Variants in MED12 observed in about 807,000 individuals in gnomAD.
MED12 encodes mediator of RNA polymerase II transcription subunit 12.
Under a neutral mutation model 177.7 loss-of-function variants are expected in MED12, and 10 were observed. The ratio of observed to expected loss-of-function variants is 0.06; its 90% CI spans 0.03 to 0.10. The LOEUF (loss-of-function observed/expected upper bound fraction) is 0.10. Among genes scored for constraint, MED12 ranks in the 10% least tolerant of loss-of-function variants. The pLI, the probability that MED12 is intolerant of heterozygous loss-of-function variation, is 1.00. For missense variants in MED12, 867 were observed against 1,780.8 expected (o/e 0.49, Z 9.23); for synonymous variants, 641 against 678.4 (o/e 0.94, Z 0.86).
rs1292652677 is a variant in MED12 at position 71,140,668 on chromosome X, G to T, written c.6078G>T (p.Met2026Ile). ...FSHQTLQQTP[M>I]ISTMTPMSAQ... ...ACCAGACACTGCAGCAGACACCCATGATAAGTACCATGACTCCAATGAGTG... is the reference window on the plus strand; with the variant it reads ...ACCAGACACTGCAGCAGACACCCATTATAAGTACCATGACTCCAATGAGTG... Residue 2026 changes from methionine to isoleucine, a missense_variant, in exon 42 of 45, where the codon ATG (methionine) becomes ATT (isoleucine). Met to Ile is a conservative substitution (Grantham distance 10). Around this residue, in one of 14 missense-constraint regions of MED12, gnomAD observed 236 missense variants for 345.2 expected, o/e 0.68. Transcript: ENST00000374080. The T allele has an allele frequency of 2.5e-6, 3 of 1,210,936 alleles. No individual in the cohort carries two copies. The Admixed American group carries it at 6.5e-5, about 26-fold the overall frequency.
chrX:71,129,792 C>T lies in MED12; in HGVS notation c.3804C>T (p.Ile1268=), dbSNP rs1464231726. Residue 1268 remains isoleucine (I), a synonymous_variant, in exon 27 of 45, where the codon ATC becomes ATT. Transcript: ENST00000374080. ...SGGRRQGGRN[I]SVETASLDVY... is the part of the protein sequence containing the mutation. ...GTCGGAGGCAGGGTGGCCGCAACAT[C>T]TCTGTGGAGACAGCCAGTCTGGATG... The T allele has an allele frequency of 1.7e-6, 2 of 1,211,458 alleles. No homozygotes were observed. The highest frequency in any genetic ancestry group is 2.2e-6 in the Non-Finnish European group (2 of 895,248).
chrX:71,138,366 G>T (rs945003615), intron 41 of MED12, among the ~76,000 whole-genome samples: 2 of 110,290 alleles, frequency 1.8e-5, no homozygotes, highest in African/African-American at 6.6e-5. Context: ...CACTCCATTT[G>T]CCCAGGCTGG....
chrX:71,122,837 G>A lies in MED12; in HGVS notation c.1448G>A (p.Arg483Gln), dbSNP rs1456174589. The A allele has an allele frequency of 1.7e-6, 2 of 1,211,371 alleles. No homozygotes were observed. The highest frequency in any genetic ancestry group is 2.2e-6 in the Non-Finnish European group (2 of 895,148). ...FSNSLDSLCN[R>Q]IFGLGPSKDG... ...AACTCTCTTGACTCCCTTTGTAACCGAATCTTTGGATTGGGACCTAGCAAG... is the reference window on the plus strand; with the variant it reads ...AACTCTCTTGACTCCCTTTGTAACCAAATCTTTGGATTGGGACCTAGCAAG... Residue 483 changes from arginine to glutamine, a missense_variant, in exon 10 of 45, where the codon CGA becomes CAA. Physicochemically the swap from Arg to Gln is conservative, Grantham distance 43 (BLOSUM62 1). Around this residue, in one of 14 missense-constraint regions of MED12, gnomAD observed 309 missense variants for 556.3 expected, o/e 0.56. Coordinates refer to ENST00000374080, the MANE Select transcript of MED12 (RefSeq NM_005120.3).
chrX:71,128,221 C>T, intron 22 of MED12, 75 bp from the exon 23 acceptor site: 3 of 1,199,850 alleles, frequency 2.5e-6, no homozygotes, highest in Non-Finnish European at 3.4e-6. Flanking sequence ...TTTAGTGGGG[C>T]AGAGATGAGA....
rs2147828043 is a variant in MED12, at chrX:71,136,933, G to C, written c.5455G>C (p.Asp1819His). 1 of 1,210,116 alleles carries C rather than the reference G, an allele frequency of 8.3e-7. No individual in the cohort carries two copies. The highest frequency in any genetic ancestry group is 1.1e-6 in the Non-Finnish European group (1 of 895,252). Residue 1819 changes from aspartate (D) to histidine (H), a missense_variant, in exon 38 of 45, where the codon GAC (aspartate) becomes CAC (histidine). Physicochemically the swap from Asp to His is moderately conservative, Grantham distance 81. Coordinates refer to ENST00000374080, the MANE Select transcript of MED12 (RefSeq NM_005120.3). ...CCCTTATGGTGTGACAGTGCCTCCG[G>C]ACCTCCTGCACCACCCAAACCCTGG... is the stretch of plus-strand genomic sequence containing the variant. ...SGPYGVTVPP[D>H]LLHHPNPGSI...
rs1057317051 is a variant in MED12 at position 71,137,047 on chromosome X, G to A, written c.5551+18G>A. Reference sequence around the variant, plus strand: ...ACCTGCAGGTGAGTGCCAGCCACTAGGAATGCTGGAGGGACCTACCTGTAC... The same window carrying A: ...ACCTGCAGGTGAGTGCCAGCCACTAAGAATGCTGGAGGGACCTACCTGTAC... On this transcript the variant is annotated intron_variant, in intron 38 of 44. Transcript: ENST00000374080. The A allele has an allele frequency of 3.6e-5, 43 of 1,190,909 alleles. No individual in the cohort carries two copies. Among genetic ancestry groups the A allele is most frequent in the Non-Finnish European group, 4.9e-5 (43 of 885,045 alleles).
chrX:71,137,700 A>T (rs765067067), intron 40 of MED12, 26 bp from the exon 41 acceptor site: 5 of 1,176,194 alleles, frequency 4.3e-6, no homozygotes, highest in Non-Finnish European at 5.8e-6. Flanking sequence ...CTCGGCCCTG[A>T]TTCCCTCTCT....
intron 41 of MED12, among the ~76,000 whole-genome samples, chrX:71,138,353 T>C (rs1191069674): frequency 9.1e-6 from 1 of 109,555 alleles, no homozygotes; most frequent in African/African-American, 3.3e-5. Flanking sequence ...TGAAACAGAG[T>C]CGCACTCCAT....
rs2147777688 is a variant in MED12 at position 71,121,073 on chromosome X, T to A, written c.656T>A (p.Ile219Lys). Reference protein sequence around the residue: ...PAGSGGCGSTIGPLPHDVEVA... With the variant: ...PAGSGGCGSTKGPLPHDVEVA... ...GGAAGTGGGGGCTGTGGTTCCACGA[T>A]AGGGCCCTTGCCCCATGATGTAGAG... The change falls in exon 5 of 45, where the codon ATA (isoleucine) becomes AAA (lysine). Residue 219 changes from isoleucine (I) to lysine (K), a missense_variant. Transcript: ENST00000374080. 4 of 1,211,567 alleles carry A rather than the reference T, an allele frequency of 3.3e-6. No individual in the cohort carries two copies. The highest frequency in any genetic ancestry group is 4.5e-6 in the Non-Finnish European group (4 of 895,402).
At chrX:71,135,313 C>T in intron 36 of MED12, 60 bp downstream of exon 36, 1 of 1,164,542 alleles carries the variant, frequency 8.6e-7, no homozygotes, top group Non-Finnish European at 1.2e-6. Context: ...AAGAACTTTG[C>T]CTGCATCAGC....
chrX:71,129,999 T>C (rs1045102603), intron 27 of MED12, 36 bp from the exon 28 acceptor site: 32 of 1,195,976 alleles, frequency 2.7e-5, no homozygotes, highest in Non-Finnish European at 3.5e-5. Flanking sequence ...ACCCCCTCAC[T>C]GGTTGTTCCC....
In MED12 at chrX:71,125,063, A is replaced by G. The variant is rs773699580; in HGVS notation, c.2143A>G (p.Lys715Glu). Residue 715 changes from lysine to glutamate, a missense_variant, in exon 15 of 45, where the codon AAG (lysine) becomes GAG (glutamate). Around this residue, in one of 14 missense-constraint regions of MED12, gnomAD observed 309 missense variants for 556.3 expected, o/e 0.56. Transcript: ENST00000374080. Reference sequence around the variant, plus strand: ...CGAGAAGGAGGTGAAGCCCCCACCCAAGGAGAAGATTGAAGGGACCCTTGG... The same window carrying G: ...CGAGAAGGAGGTGAAGCCCCCACCCGAGGAGAAGATTGAAGGGACCCTTGG... ...DVEKEVKPPPKEKIEGTLGVL... is the reference protein window; with the variant it reads ...DVEKEVKPPPEEKIEGTLGVL... The G allele has an allele frequency of 1.7e-6, 2 of 1,210,582 alleles. No homozygotes were observed. The highest frequency in any genetic ancestry group is 2.2e-6 in the Non-Finnish European group (2 of 895,016).
At chrX:71,140,080 CTTT>C (rs746271800) in intron 41 of MED12, among the ~76,000 whole-genome samples, 2 of 88,638 alleles carry the variant, frequency 2.3e-5, no homozygotes. Flanking sequence ...TCTTTTCTTT[CTTT>C]TTTTTTTTTT....
At chrX:71,132,750 C>T in intron 31 of MED12, 95 bp from the exon 32 acceptor site, 1 of 836,392 alleles carries the variant, frequency 1.2e-6, no homozygotes, top group Non-Finnish European at 1.7e-6. Flanking sequence ...TCTCCCTTTT[C>T]TCCTCTCCTC....
In MED12 at chrX:71,121,781, C is replaced by A. The variant is rs763867883; in HGVS notation, c.1066C>A (p.Arg356=). The A allele has an allele frequency of 7.4e-6, 9 of 1,211,891 alleles. No individual in the cohort carries two copies. The highest frequency in any genetic ancestry group is 6.7e-6 in the Non-Finnish European group (6 of 895,513). Residue 356 remains arginine, a synonymous_variant, in exon 7 of 45, where the codon CGG becomes AGG. Transcript: ENST00000374080. ...FSDLLMCPQH[R]PLVFGLSCIL... The stretch of plus-strand genomic sequence containing the variant: ...TGACCTGCTTATGTGCCCTCAGCAC[C>A]GGCCCCTGGTTTTTGGCCTCAGCTG...
Position 71,118,651 on chromosome X carries a change from C to T in MED12, c.-104C>T. 5 of 716,952 alleles carry T rather than the reference C, an allele frequency of 7.0e-6. No individual in the cohort carries two copies. The allele number at this position is 716,952 out of a possible 1,213,427, so 59.1% of individuals were successfully genotyped here. A position where few individuals can be genotyped will look rare whatever the true frequency, so the allele number is the denominator to read the frequency against. The stretch of plus-strand genomic sequence containing the variant: ...GTGCCCCCTTGTTGTCTCTCGGCCG[C>T]CGTCCTCTCAACCACCGCCCCCCTT... On this transcript the variant is annotated 5_prime_UTR_variant, in exon 1 of 45. Coordinates refer to ENST00000374080, the MANE Select transcript of MED12 (RefSeq NM_005120.3).
intron 36 of MED12, 34 bp downstream of exon 36, chrX:71,135,287 T>C (rs928871699): frequency 8.3e-7 from 1 of 1,208,429 alleles, no homozygotes; most frequent in Non-Finnish European, 1.1e-6. Context: ...TCCCTTGCCT[T>C]TTTTCCCCTT....
Position 71,135,202 on chromosome X carries a change from C to T in MED12, c.4974C>T (p.Ile1658=), listed in dbSNP as rs376179450. ...VITCEPQGSL[I]DTKGNKIAGF... ...CGTGTGAGCCACAGGGCTCCCTTAT[C>T]GATACCAAGGGCAACAAGATTGCTG... Residue 1658 remains isoleucine, a synonymous_variant, in exon 36 of 45, where the codon ATC becomes ATT. Transcript: ENST00000374080. 39 of 1,209,789 alleles carry T rather than the reference C, an allele frequency of 3.2e-5. No homozygotes were observed. The highest frequency in any genetic ancestry group is 8.9e-5 in the East Asian group (3 of 33,779).
At chrX:71,137,683 G>C in intron 40 of MED12, 43 bp from the exon 41 acceptor site, 2 of 1,202,935 alleles carry the variant, frequency 1.7e-6, no homozygotes, top group Non-Finnish European at 2.3e-6. Context: ...AAGCTGCTCT[G>C]CATACTCTCG....
Sources: allele counts gnomAD v4.1 joint callset (sites outside exome capture counted in the v4.1 genomes callset), GRCh38; gene constraint gnomAD v4.1.1; regional missense constraint gnomAD v4.1.1; transcripts MANE v1.5; gene names NCBI Gene and HGNC (gene_info 2026-07-23, HGNC 2026-07-21).